The following RYR3 variants were observed in gnomAD, a reference collection of about 807,000 sequenced individuals.
The protein encoded by RYR3 is ryanodine receptor 3.
In RYR3, 207 loss-of-function variants were observed where a neutral mutation model predicts 584.3. The ratio of observed to expected loss-of-function variants is 0.35; its 90% confidence interval spans 0.32 to 0.40. RYR3 has a LOEUF of 0.40. RYR3 is among the 10% of genes least tolerant of loss of function. The probability of loss-of-function intolerance (pLI) is 1.00; values close to 1 mark genes in which losing one functional copy is unlikely to be tolerated. For synonymous variants in RYR3, 2,416 were observed against 2,248.5 expected, an observed-to-expected ratio of 1.07 and a Z score of -2.11; for missense variants, 5,616 against 6,089.2, an observed-to-expected ratio of 0.92 and a Z score of 2.59.
At chr15:33,718,130 T>C (rs1256942728) in intron 43 of RYR3, among the ~76,000 whole-genome samples, 1 of 152,230 alleles carries the variant, frequency 6.6e-6, no homozygotes, top group African/African-American at 2.4e-5. Context: ...AGTACATTCA[T>C]TCATGCTGAA....
intron 1 of RYR3, among the ~76,000 whole-genome samples, chr15:33,442,289 T>C (rs2141881785): frequency 6.6e-6 from 1 of 152,342 alleles, no homozygotes. Flanking sequence ...GTCAAGCAAT[T>C]GAAATTTCCA....
intron 101 of RYR3, among the ~76,000 whole-genome samples, 152 bp downstream of exon 101, chr15:33,860,811 A>AC (rs1887908264): frequency 6.6e-6 from 1 of 151,788 alleles, no homozygotes; most frequent in African/African-American, 2.4e-5. Flanking sequence ...ACCCTGCCAT[A>AC]CCCCTGCCAG....
chr15:33,813,701 G>A (rs2076664067), intron 74 of RYR3, 122 bp downstream of exon 74: 1 of 800,080 alleles, frequency 1.2e-6, no homozygotes, highest in African/African-American at 1.7e-5. Context: ...GGCCTATGGA[G>A]CTATTGCAGT....
chr15:33,641,182 C>T (rs534283199), intron 27 of RYR3, among the ~76,000 whole-genome samples: 23 of 152,300 alleles, frequency 1.5e-4, no homozygotes, highest in Admixed American at 3.9e-4. Flanking sequence ...TTAGCTTAGA[C>T]GACAATTAGA....
chr15:33,677,584 G>A (rs1463430694), intron 38 of RYR3, among the ~76,000 whole-genome samples: 1 of 152,108 alleles, frequency 6.6e-6, no homozygotes, highest in Non-Finnish European at 1.5e-5. Context: ...AAACCCCTTG[G>A]GACTCTAGAG....
At chr15:33,771,755 C>T (rs1050994802) in intron 62 of RYR3, among the ~76,000 whole-genome samples, 165 bp from the exon 63 acceptor site, 1 of 152,138 alleles carries the variant, frequency 6.6e-6, no homozygotes, top group African/African-American at 2.4e-5. Flanking sequence ...TTGTGTGATT[C>T]AGGTTTCTTC....
At chr15:33,736,470 T>C in intron 49 of RYR3, 145 bp downstream of exon 49, 1 of 557,284 alleles carries the variant, frequency 1.8e-6, no homozygotes, top group Non-Finnish European at 3.1e-6. Flanking sequence ...ACAAGATAGA[T>C]CCCACAAAAC....
Position 33,400,646 on chromosome 15 carries a change from G to A in RYR3, c.52-72773G>A, listed in dbSNP as rs956670462. Among the ~76,000 whole-genome samples, 17 of 152,288 alleles carry A rather than the reference G, an allele frequency of 1.1e-4. No homozygotes were observed. The East Asian group carries it at 2.7e-3, about 24-fold the overall frequency. On this transcript the variant is annotated intron_variant, in intron 1 of 103. Transcript: ENST00000634891. ...TGTATGGAACAAGATAAAGCAACAC[G>A]GCAATTTTGTAAGGTAGTAGAGTAG...
At chr15:33,752,798 T>C (rs2071442064) in intron 57 of RYR3, among the ~76,000 whole-genome samples, 1 of 152,194 alleles carries the variant, frequency 6.6e-6, no homozygotes, top group African/African-American at 2.4e-5. Context: ...AGGGCATCCT[T>C]GTCTTGTGCC....
At chr15:33,546,378 C>T (rs1016018625) in intron 8 of RYR3, among the ~76,000 whole-genome samples, 8 of 152,242 alleles carry the variant, frequency 5.3e-5, no homozygotes, top group Middle Eastern at 3.4e-3. Context: ...GTATCATTTC[C>T]GTTCTAGGCC....
chr15:33,801,378 G>C (rs2075908959), intron 68 of RYR3, among the ~76,000 whole-genome samples: 2 of 152,172 alleles, frequency 1.3e-5, no homozygotes, highest in Admixed American at 1.3e-4. Context: ...CATTTAAAAG[G>C]TGCTAGACTC....
intron 67 of RYR3, among the ~76,000 whole-genome samples, chr15:33,794,305 A>T (rs1184701376): frequency 7.0e-5 from 7 of 100,302 alleles, no homozygotes; most frequent in Non-Finnish European, 1.0e-4. Context: ...TTATATATAT[A>T]TTTTTATATA....
chr15:33,769,299 C>A, intron 62 of RYR3, 127 bp downstream of exon 62: 1 of 765,454 alleles, frequency 1.3e-6, no homozygotes, highest in African/African-American at 1.7e-5. Flanking sequence ...AGAGACAGGG[C>A]AAAGACCCTA....
chr15:33,722,583 T>C (rs2068021049), intron 43 of RYR3, 132 bp from the exon 44 acceptor site: 7 of 816,708 alleles, frequency 8.6e-6, no homozygotes, highest in Non-Finnish European at 1.2e-5. Context: ...CACTGCCCAC[T>C]TGACTGGCCT....
At chr15:33,490,634 A>G (rs2050885151) in intron 2 of RYR3, among the ~76,000 whole-genome samples, 1 of 152,134 alleles carries the variant, frequency 6.6e-6, no homozygotes, top group Non-Finnish European at 1.5e-5. Flanking sequence ...CCTAAAGATG[A>G]AGAGAGCTTT....
chr15:33,332,446 G>A (rs1970473864), intron 1 of RYR3, among the ~76,000 whole-genome samples: 1 of 152,014 alleles, frequency 6.6e-6, no homozygotes, highest in African/African-American at 2.4e-5. Context: ...TAAAAGAGTT[G>A]AAAGATACAA....
intron 60 of RYR3, among the ~76,000 whole-genome samples, chr15:33,764,388 A>G (rs532361464): frequency 3.9e-5 from 6 of 152,200 alleles, no homozygotes; most frequent in South Asian, 2.1e-4. Context: ...GAGAACACAT[A>G]GACACAGAGA....
chr15:33,850,738 C>T (rs916621890), intron 94 of RYR3: 1 of 151,810 alleles, frequency 6.6e-6, no homozygotes, highest in Non-Finnish European at 1.5e-5. Flanking sequence ...TAATTATAAA[C>T]CAAAAAGGTT....
rs949247238 is a variant in RYR3 at position 33,865,416 on chromosome 15, G to T, written c.*190G>T. On this transcript the variant is annotated 3_prime_UTR_variant, in exon 104 of 104. Transcript: ENST00000634891. Reference sequence around the variant, plus strand: ...TTGTGCCTAATGGACATACACTGTGGGAGAGAACCTGTCAAAATGTCGAAG... The same window carrying T: ...TTGTGCCTAATGGACATACACTGTGTGAGAGAACCTGTCAAAATGTCGAAG... 3.8e-6 allele frequency: 2 copies of T among 530,166 alleles called. No individual in the cohort carries two copies. The highest frequency in any genetic ancestry group is 3.5e-5 in the Admixed American group (1 of 28,840). The allele number at this position is 530,166 out of a possible 1,614,324, so 32.8% of individuals were successfully genotyped here.
Sources: gnomAD v4.1 joint callset for allele counts (sites outside exome capture counted in the v4.1 genomes callset) on GRCh38, gnomAD v4.1.1 for gene constraint, MANE v1.5 for transcripts, NCBI Gene and HGNC (gene_info 2026-07-23, HGNC 2026-07-21) for gene names.